The following C12orf42 variants were observed in gnomAD, a reference collection of about 807,000 sequenced individuals.
The protein encoded by C12orf42 is chromosome 12 open reading frame 42, also known as uncharacterized protein C12orf42.
A neutral mutation model predicts 21.6 loss-of-function variants in C12orf42; 25 were observed. The ratio of observed to expected loss-of-function variants is 1.16; its 90% CI spans 0.84 to 1.62. The LOEUF (loss-of-function observed/expected upper bound fraction) is 1.62. Among genes scored for constraint, C12orf42 ranks in the 40% most tolerant of loss-of-function variants. C12orf42 has a pLI of 0.00. For synonymous variants in C12orf42, 174 were observed against 175.0 expected, an observed-to-expected ratio of 0.99 and a Z score of 0.05; for missense variants, 483 against 459.3, an observed-to-expected ratio of 1.05 and a Z score of -0.47.
the C12orf42 span, among the ~76,000 whole-genome samples, chr12:103,204,733 C>A: frequency 6.6e-6 from 1 of 152,048 alleles, no homozygotes; most frequent in South Asian, 2.1e-4. Flanking sequence ...CTTATGCAAA[C>A]TGAAGGTCAC....
At chr12:103,428,643 A>G (rs970583647) in intron 2 of C12orf42, among the ~76,000 whole-genome samples, 1 of 152,206 alleles carries the variant, frequency 6.6e-6, no homozygotes, top group Non-Finnish European at 1.5e-5. Context: ...CCTGATACCA[A>G]AACCTGGCAG....
At chr12:103,380,486 A>G (rs1001059593) in intron 3 of C12orf42, among the ~76,000 whole-genome samples, 4 of 152,224 alleles carry the variant, frequency 2.6e-5, no homozygotes, top group Non-Finnish European at 5.9e-5. Context: ...GTCGGTAAGT[A>G]TCATAAAGAA....
At chr12:103,322,750 A>T (rs2040307227) in intron 4 of C12orf42, among the ~76,000 whole-genome samples, 2 of 152,338 alleles carry the variant, frequency 1.3e-5, no homozygotes, top group South Asian at 4.1e-4. Context: ...ACAAATGTCC[A>T]AATTCGTAAG....
chr12:103,466,888 T>A (rs1953180044), intron 2 of C12orf42, among the ~76,000 whole-genome samples: 1 of 152,190 alleles, frequency 6.6e-6, no homozygotes, highest in African/African-American at 2.4e-5. Context: ...ATGCTCTGGC[T>A]AGCCTGCTAG....
chr12:103,271,467 T>C lies in C12orf42; in HGVS notation n.399-1614A>G, dbSNP rs141113311. On this transcript the variant is annotated intron_variant and non_coding_transcript_variant, in intron 5 of 6. Coordinates refer to the C12orf42 transcript ENST00000546526. Reference sequence around the variant, plus strand: ...ATGGGAAGGAGTGAGACCTATCAGCTGTGATGCTGGTTCTGCCAATCACTA... The same window carrying C: ...ATGGGAAGGAGTGAGACCTATCAGCCGTGATGCTGGTTCTGCCAATCACTA... 1.9e-3 allele frequency among the ~76,000 whole-genome samples: 283 copies of C among 152,310 alleles called. 3 individuals are homozygous for C. The highest frequency in any genetic ancestry group is 6.4e-3 in the African/African-American group (268 of 41,586).
chr12:103,460,267 A>T (rs940824410), intron 2 of C12orf42, among the ~76,000 whole-genome samples: 1 of 90,948 alleles, frequency 1.1e-5, no homozygotes, highest in African/African-American at 4.2e-5. Flanking sequence ...AACATTGGAC[A>T]GAACAAAAAA....
At chr12:103,067,558 G>T in the C12orf42 span, among the ~76,000 whole-genome samples, 1 of 152,114 alleles carries the variant, frequency 6.6e-6, no homozygotes, top group South Asian at 2.1e-4. Context: ...CCATAGCCAG[G>T]ATACACAGGC....
At chr12:103,426,016 C>T (rs1029356508) in intron 2 of C12orf42, among the ~76,000 whole-genome samples, 4 of 152,148 alleles carry the variant, frequency 2.6e-5, no homozygotes, top group African/African-American at 9.7e-5. Flanking sequence ...AAAACCAGCC[C>T]CAAAAGGCTG....
At chr12:103,525,171 C>G in the C12orf42 span, among the ~76,000 whole-genome samples, 8 of 152,074 alleles carry the variant, frequency 5.3e-5, no homozygotes, top group African/African-American at 1.9e-4. Context: ...GCATGTGCCA[C>G]CAGACCCAGC....
At chr12:103,530,626 CG>C in the C12orf42 span, among the ~76,000 whole-genome samples, 7 of 150,780 alleles carry the variant, frequency 4.6e-5, no homozygotes, top group African/African-American at 7.3e-5. Context: ...GGCAAGTGTT[CG>C]GGGGGGGAAA....
chr12:103,276,422 A>G (rs2035776167), intron 5 of C12orf42, among the ~76,000 whole-genome samples: 1 of 152,208 alleles, frequency 6.6e-6, no homozygotes, highest in Non-Finnish European at 1.5e-5. Flanking sequence ...CCAGCTCTAG[A>G]GACCTCTTCC....
At chr12:103,372,835 G>A (rs1347562661) in intron 3 of C12orf42, among the ~76,000 whole-genome samples, 2 of 152,276 alleles carry the variant, frequency 1.3e-5, no homozygotes, top group East Asian at 3.9e-4. Context: ...CATGAGTCAT[G>A]TTGATTCATT....
At chr12:103,498,470 A>T (rs1204849432), upstream of C12orf42, among the ~76,000 whole-genome samples, 2 of 152,264 alleles carry the variant, frequency 1.3e-5, no homozygotes, top group Non-Finnish European at 2.9e-5. Flanking sequence ...ATACAATGGG[A>T]TATTATTCAG....
At chr12:103,476,422 A>G (rs11833366) in intron 2 of C12orf42, among the ~76,000 whole-genome samples, 2,241 of 152,274 alleles carry the variant, frequency 0.015, 67 homozygotes, top group African/African-American at 0.051. Context: ...TCTTCCCATA[A>G]TGAGTCCAAA....
downstream of C12orf42, among the ~76,000 whole-genome samples, chr12:103,301,641 T>A (rs991596547): frequency 6.6e-6 from 1 of 152,184 alleles, no homozygotes; most frequent in African/African-American, 2.4e-5. Context: ...CCTGGGCACA[T>A]CAGGAGTAAT....
downstream of C12orf42, among the ~76,000 whole-genome samples, chr12:103,264,828 A>T (rs2136234119): frequency 6.6e-6 from 1 of 152,272 alleles, no homozygotes; most frequent in African/African-American, 2.4e-5. Context: ...TGAGTGGATG[A>T]TCATTTTTAC....
chr12:103,364,579 A>G lies in C12orf42; in HGVS notation c.259+4308T>C, dbSNP rs2044422768. 2.0e-5 allele frequency among the ~76,000 whole-genome samples: 3 copies of G among 152,058 alleles called. No homozygotes were observed. In the South Asian group the frequency reaches 6.2e-4, roughly 31 times the overall value. Reference sequence around the variant, plus strand: ...TTCTTTGAAAAGATAAATAAAATTAATAGACCATTAGCAAGATTAACCAAG... The same window carrying G: ...TTCTTTGAAAAGATAAATAAAATTAGTAGACCATTAGCAAGATTAACCAAG... On this transcript the variant is annotated intron_variant, in intron 4 of 5. Transcript: ENST00000548883.
At chr12:103,404,260 C>G (rs1161271088) in intron 2 of C12orf42, among the ~76,000 whole-genome samples, 1 of 152,062 alleles carries the variant, frequency 6.6e-6, no homozygotes, top group Admixed American at 6.6e-5. Flanking sequence ...AACTTTTAAG[C>G]AAGACGAGGA....
chr12:103,256,842 T>G (rs1201212416), intron 10 of C12orf42, among the ~76,000 whole-genome samples: 1 of 152,168 alleles, frequency 6.6e-6, no homozygotes, highest in African/African-American at 2.4e-5. Flanking sequence ...TTATATATTT[T>G]TAACATTACA....
Sources: allele counts gnomAD v4.1 joint callset (sites outside exome capture counted in the v4.1 genomes callset), GRCh38; gene constraint gnomAD v4.1.1; transcripts MANE v1.5; gene names NCBI Gene and HGNC (gene_info 2026-07-23, HGNC 2026-07-21).